Variants in UBE2W observed in about 807,000 individuals in gnomAD.
UBE2W encodes the protein ubiquitin-conjugating enzyme E2 W.
A neutral mutation model predicts 27.2 loss-of-function variants in UBE2W; 18 were observed. The ratio of observed to expected loss-of-function variants is 0.66; its 90% confidence interval spans 0.46 to 0.98. The LOEUF (loss-of-function observed/expected upper bound fraction) is 0.98, where lower values mean the gene tolerates loss of function less well. Among genes scored for constraint, UBE2W ranks in the 50% least tolerant of loss-of-function variants. UBE2W has a pLI of 0.00. For missense variants in UBE2W, 90 were observed against 180.2 expected, an observed-to-expected ratio of 0.50 and a Z score of 2.87; for synonymous variants, 53 against 57.2, an observed-to-expected ratio of 0.93 and a Z score of 0.33.
At chr8:73,813,369 C>G (rs1290457679) in intron 3 of UBE2W, among the ~76,000 whole-genome samples, 1 of 152,138 alleles carries the variant, frequency 6.6e-6, no homozygotes, top group Non-Finnish European at 1.5e-5. Context: ...GCAGATGCAG[C>G]AGATATTCTG....
At chr8:73,823,045 TA>T (rs1430240882) in intron 3 of UBE2W, among the ~76,000 whole-genome samples, 1 of 152,004 alleles carries the variant, frequency 6.6e-6, no homozygotes, top group Non-Finnish European at 1.5e-5. Flanking sequence ...AATTAAGCCT[TA>T]AAAAAAGAAG....
At chr8:73,860,760 A>C (rs902524929) in intron 1 of UBE2W, among the ~76,000 whole-genome samples, 1 of 152,198 alleles carries the variant, frequency 6.6e-6, no homozygotes, top group East Asian at 1.9e-4. Context: ...CTGCTAGGTA[A>C]GTTTTAAAAA....
intron 1 of UBE2W, among the ~76,000 whole-genome samples, chr8:73,839,726 GTTTTTTTTTTTT>G (rs149185338): frequency 1.6e-5 from 2 of 123,136 alleles, no homozygotes; most frequent in African/African-American, 3.2e-5. Flanking sequence ...TTCTTTTTTG[GTTTTTTTTTTTT>G]TTTTTTTTGA....
At chr8:73,870,202 T>C (rs1586552095) in intron 1 of UBE2W, 2 of 1,505,408 alleles carry the variant, frequency 1.3e-6, no homozygotes, top group Non-Finnish European at 9.0e-7. Flanking sequence ...TGGACTTTAA[T>C]AGCTCACAAT....
intron 3 of UBE2W, among the ~76,000 whole-genome samples, chr8:73,824,890 G>C (rs1311555314): frequency 1.3e-5 from 2 of 152,206 alleles, no homozygotes; most frequent in Non-Finnish European, 2.9e-5. Context: ...CTAGAGGCCT[G>C]GTTAGATTTC....
At chr8:73,866,268 TAA>T (rs10568367) in intron 1 of UBE2W, among the ~76,000 whole-genome samples, 2,042 of 42,152 alleles carry the variant, frequency 0.048, 126 homozygotes, top group South Asian at 0.13. Context: ...AGACTTGGTC[TAA>T]AAAAAAAAAA....
chr8:73,781,626 T>TG (rs1427227091), downstream of UBE2W, among the ~76,000 whole-genome samples: 1 of 151,186 alleles, frequency 6.6e-6, no homozygotes. Context: ...TGGGTTTTTT[T>TG]TTTTTTTTTT....
intron 1 of UBE2W, 39 bp downstream of exon 1, chr8:73,878,769 G>A: frequency 6.6e-7 from 1 of 1,517,526 alleles, no homozygotes; most frequent in East Asian, 2.5e-5. Flanking sequence ...CTCTCTCGGC[G>A]GCTCCCTGGC....
At position 73,791,519 on chromosome 8, in the gene UBE2W, T is replaced by A; in HGVS notation, c.*2583A>T. 1 of 985,264 alleles carries A rather than the reference T, an allele frequency of 1.0e-6. No homozygotes were observed. Among genetic ancestry groups the A allele is most frequent in the Non-Finnish European group, 1.2e-6 (1 of 829,794 alleles). 61.0% of individuals were successfully genotyped at this position (985,264 alleles called of 1,614,324 possible). On this transcript the variant is annotated 3_prime_UTR_variant, in exon 6 of 6. Coordinates refer to ENST00000602593, the MANE Select transcript of UBE2W (RefSeq NM_018299.6). ...CAAGTAGCATATTCCTATATACATT[T>A]TCTTGATATTCTGGTTGTCTTTCAA...
intron 1 of UBE2W, among the ~76,000 whole-genome samples, chr8:73,841,963 C>A (rs1423088661): frequency 1.3e-5 from 2 of 152,132 alleles, no homozygotes; most frequent in Non-Finnish European, 2.9e-5. Context: ...GGATTCATAG[C>A]CTGAATTCCT....
At chr8:73,805,567 CTT>C in intron 5 of UBE2W, 82 bp downstream of exon 5, 2 of 704,706 alleles carry the variant, frequency 2.8e-6, no homozygotes, top group Non-Finnish European at 4.1e-6. Flanking sequence ...TATAGCTTCT[CTT>C]CTTTTTCCCA....
At chr8:73,847,994 G>A (rs549516831) in intron 1 of UBE2W, among the ~76,000 whole-genome samples, 1 of 152,062 alleles carries the variant, frequency 6.6e-6, no homozygotes, top group African/African-American at 2.4e-5. Flanking sequence ...CTGAGGTCGG[G>A]AGTTTGAGAC....
intron 1 of UBE2W, among the ~76,000 whole-genome samples, chr8:73,857,886 C>T (rs1811370987): frequency 1.3e-5 from 2 of 151,880 alleles, no homozygotes; most frequent in Admixed American, 6.6e-5. Context: ...AAACTTGGGC[C>T]TCAGTTGCCA....
intron 4 of UBE2W, among the ~76,000 whole-genome samples, chr8:73,806,149 C>T (rs1260618487): frequency 6.6e-6 from 1 of 151,856 alleles, no homozygotes; most frequent in Non-Finnish European, 1.5e-5. Context: ...GCGAGACTCT[C>T]GTCTCAAAAC....
At chr8:73,868,209 G>A (rs546200600) in intron 1 of UBE2W, among the ~76,000 whole-genome samples, 2 of 152,164 alleles carry the variant, frequency 1.3e-5, no homozygotes, top group Admixed American at 1.3e-4. Context: ...GGGGAAGAAG[G>A]GGGGGCTCAG....
chr8:73,810,751 G>T, intron 3 of UBE2W, 122 bp from the exon 4 acceptor site: 1 of 695,234 alleles, frequency 1.4e-6, no homozygotes, highest in Non-Finnish European at 2.1e-6. Context: ...TCAGTGCCAG[G>T]AACATGATAA....
chr8:73,860,797 CA>C (rs1811505603), intron 1 of UBE2W, among the ~76,000 whole-genome samples: 1 of 151,866 alleles, frequency 6.6e-6, no homozygotes, highest in Non-Finnish European at 1.5e-5. Flanking sequence ...CTAGGAACAA[CA>C]AAAAAACAAG....
intron 3 of UBE2W, among the ~76,000 whole-genome samples, chr8:73,822,497 G>T (rs1318453738): frequency 6.8e-6 from 1 of 146,262 alleles, no homozygotes; most frequent in African/African-American, 2.5e-5. Flanking sequence ...GAGGGACAAC[G>T]ATCAGGAAAT....
chr8:73,809,450 G>T (rs1302522057), intron 4 of UBE2W, among the ~76,000 whole-genome samples: 1 of 152,040 alleles, frequency 6.6e-6, no homozygotes, highest in Non-Finnish European at 1.5e-5. Context: ...ATTTAAGAGG[G>T]GTTTTAAAAT....
Sources: allele counts gnomAD v4.1 joint callset (sites outside exome capture counted in the v4.1 genomes callset), GRCh38; gene constraint gnomAD v4.1.1; transcripts MANE v1.5; gene names NCBI Gene and HGNC (gene_info 2026-07-23, HGNC 2026-07-21).